Variants in TAFA1 observed in about 807,000 individuals in gnomAD.
TAFA1 encodes the protein TAFA chemokine like family member 1, also known as chemokine-like protein TAFA-1.
In TAFA1, 4 loss-of-function variants were observed where a neutral mutation model predicts 18.5. The ratio of observed to expected loss-of-function variants is 0.22; its 90% confidence interval spans 0.11 to 0.49. The LOEUF is 0.49. Among genes scored for constraint, TAFA1 ranks in the 20% least tolerant of loss-of-function variants. TAFA1 has a pLI of 0.98. For synonymous variants in TAFA1, 56 were observed against 55.2 expected, an observed-to-expected ratio of 1.01 and a Z score of -0.06; for missense variants, 147 against 169.0, an observed-to-expected ratio of 0.87 and a Z score of 0.72.
At chr3:68,043,144 A>T (rs13063275) in intron 2 of TAFA1, among the ~76,000 whole-genome samples, 89,771 of 151,902 alleles carry the variant, frequency 0.59, 26,918 homozygotes, top group East Asian at 0.67. Context: ...AGTGCTGGGA[A>T]TACAGGTGTG....
intron 2 of TAFA1, among the ~76,000 whole-genome samples, chr3:68,350,705 A>C (rs1413475861): frequency 6.6e-6 from 1 of 152,146 alleles, no homozygotes; most frequent in Non-Finnish European, 1.5e-5. Context: ...AATTACATGT[A>C]CGAACATACA....
the TAFA1 span, among the ~76,000 whole-genome samples, chr3:67,997,209 T>C: frequency 6.6e-6 from 1 of 152,236 alleles, no homozygotes; most frequent in Non-Finnish European, 1.5e-5. Context: ...ATCTTACAAT[T>C]CTGAGCAAAA....
chr3:68,288,236 A>G (rs2068049366), intron 2 of TAFA1, among the ~76,000 whole-genome samples: 1 of 152,202 alleles, frequency 6.6e-6, no homozygotes, highest in Admixed American at 6.5e-5. Flanking sequence ...TCCGCAGTGC[A>G]AAACAGAGCC....
chr3:68,329,335 G>C (rs2068827341), intron 2 of TAFA1, among the ~76,000 whole-genome samples: 1 of 150,832 alleles, frequency 6.6e-6, no homozygotes, highest in Non-Finnish European at 1.5e-5. Context: ...CAAAGTGCTG[G>C]GATTACAGAT....
chr3:68,476,754 T>C (rs1181507516), intron 3 of TAFA1, among the ~76,000 whole-genome samples: 1 of 152,182 alleles, frequency 6.6e-6, no homozygotes, highest in Non-Finnish European at 1.5e-5. Flanking sequence ...AGATTATTTT[T>C]AAAGGATATA....
Position 68,119,470 on chromosome 3 carries a change from C to T in TAFA1, c.118+112726C>T, listed in dbSNP as rs1034823004. On this transcript the variant is annotated intron_variant, in intron 2 of 4. Coordinates refer to ENST00000478136, the MANE Select transcript of TAFA1 (RefSeq NM_213609.4). Reference sequence around the variant, plus strand: ...AGAAATCATTGCTAAAATCCAATGTCAAGAAGATTTCCCCTATTCTTTCTT... The same window carrying T: ...AGAAATCATTGCTAAAATCCAATGTTAAGAAGATTTCCCCTATTCTTTCTT... 2.0e-5 allele frequency among the ~76,000 whole-genome samples: 3 copies of T among 152,216 alleles called. No individual in the cohort carries two copies. The South Asian group carries it at 6.2e-4, about 32-fold the overall frequency.
intron 2 of TAFA1, among the ~76,000 whole-genome samples, chr3:68,399,820 A>G (rs990016675): frequency 6.6e-6 from 1 of 152,136 alleles, no homozygotes. Context: ...AGGACCATCT[A>G]TTGACATGCA....
chr3:68,404,953 C>T (rs566568238), intron 2 of TAFA1, among the ~76,000 whole-genome samples: 1 of 152,150 alleles, frequency 6.6e-6, no homozygotes, highest in Non-Finnish European at 1.5e-5. Flanking sequence ...TTGATCTTTT[C>T]ATCTTCACTT....
intron 2 of TAFA1, among the ~76,000 whole-genome samples, chr3:68,366,272 A>G (rs17047596): frequency 0.012 from 1,879 of 152,172 alleles, 39 homozygotes; most frequent in African/African-American, 0.043. Flanking sequence ...AATAATATCA[A>G]TGGGTGAGTG....
chr3:68,354,994 C>T (rs2069335557), intron 2 of TAFA1, among the ~76,000 whole-genome samples: 1 of 151,930 alleles, frequency 6.6e-6, no homozygotes, highest in Non-Finnish European at 1.5e-5. Context: ...TCATTATAAG[C>T]AATCCACTTC....
In TAFA1 at chr3:68,263,811, C is replaced by T. The variant is rs569104901; in HGVS notation, c.119-153469C>T. 5.3e-5 allele frequency among the ~76,000 whole-genome samples: 8 copies of T among 152,156 alleles called. No individual in the cohort carries two copies. The East Asian group carries it at 1.4e-3, about 26-fold the overall frequency. ...TTTATTACACTATAAACCTATGTTT[C>T]GTGTATCCAAGCACACAAGGTGATT... On this transcript the variant is annotated intron_variant, in intron 2 of 4. Coordinates refer to ENST00000478136, the MANE Select transcript of TAFA1 (RefSeq NM_213609.4).
intron 2 of TAFA1, among the ~76,000 whole-genome samples, chr3:68,087,508 TTCCCTCCCTTCCTTCC>T (rs2064984466): frequency 1.3e-5 from 2 of 150,860 alleles, no homozygotes; most frequent in Non-Finnish European, 3.0e-5. Flanking sequence ...TTTGTCTTTC[TTCCCTCCCTTCCTTCC>T]TCCCTCCCTC....
chr3:68,283,117 G>C (rs1172850176), intron 2 of TAFA1, among the ~76,000 whole-genome samples: 1 of 152,172 alleles, frequency 6.6e-6, no homozygotes, highest in Non-Finnish European at 1.5e-5. Flanking sequence ...ACAATAAAGA[G>C]ATGTAATTTG....
intron 2 of TAFA1, among the ~76,000 whole-genome samples, chr3:68,379,905 A>G (rs2106665274): frequency 6.6e-6 from 1 of 152,030 alleles, no homozygotes; most frequent in East Asian, 1.9e-4. Context: ...TCCTAATGCT[A>G]TCCCTTCCCC....
chr3:68,277,047 T>C (rs377126233), intron 2 of TAFA1, among the ~76,000 whole-genome samples: 8 of 152,262 alleles, frequency 5.3e-5, no homozygotes, highest in African/African-American at 1.4e-4. Flanking sequence ...TATTTATTCC[T>C]CCATGAAATT....
chr3:68,036,635 A>G (rs1242019117), intron 2 of TAFA1, among the ~76,000 whole-genome samples: 1 of 152,126 alleles, frequency 6.6e-6, no homozygotes, highest in African/African-American at 2.4e-5. Flanking sequence ...AAGTTTGGCT[A>G]CAGGTGACCT....
At chr3:68,403,771 T>C (rs2070541527) in intron 2 of TAFA1, among the ~76,000 whole-genome samples, 1 of 152,178 alleles carries the variant, frequency 6.6e-6, no homozygotes, top group African/African-American at 2.4e-5. Context: ...TGATCCTTGA[T>C]CTGAAATACC....
chr3:68,521,467 A>G (rs2106751462), intron 3 of TAFA1, among the ~76,000 whole-genome samples: 1 of 152,302 alleles, frequency 6.6e-6, no homozygotes, highest in South Asian at 2.1e-4. Context: ...GAAATGTACA[A>G]TCACTGGCCT....
the TAFA1 span, among the ~76,000 whole-genome samples, chr3:67,994,843 T>A: frequency 1.3e-5 from 2 of 152,184 alleles, no homozygotes; most frequent in Non-Finnish European, 2.9e-5. Context: ...CTTTTGTTCA[T>A]ATGTGTGATC....
Sources: gnomAD v4.1 joint callset for allele counts (sites outside exome capture counted in the v4.1 genomes callset) on GRCh38, gnomAD v4.1.1 for gene constraint, MANE v1.5 for transcripts, NCBI Gene and HGNC (gene_info 2026-07-23, HGNC 2026-07-21) for gene names.